The following TRMT9B variants were observed in gnomAD, a reference collection of about 807,000 sequenced individuals.
The protein encoded by TRMT9B is probable tRNA methyltransferase 9B.
A neutral mutation model predicts 11.5 loss-of-function variants in TRMT9B; 16 were observed. The ratio of observed to expected loss-of-function variants is 1.39; its 90% CI spans 0.94 to 2.11. TRMT9B has a LOEUF of 2.11. Among genes scored for constraint, TRMT9B ranks in the 30% most tolerant of loss-of-function variants. The pLI is 0.00. For synonymous variants in TRMT9B, 274 were observed against 192.4 expected (o/e 1.42, Z -3.51); for missense variants, 941 against 553.8 (o/e 1.70, Z -7.02).
rs1054396705 is a variant in TRMT9B, at chr8:12,995,036, G to T, written c.-2+4005G>T. 2.0e-5 allele frequency among the ~76,000 whole-genome samples: 3 copies of T among 152,312 alleles called. No homozygotes were observed. The South Asian group carries it at 6.2e-4, about 32-fold the overall frequency. On this transcript the variant is annotated intron_variant, in intron 2 of 4. Coordinates refer to ENST00000524591, the MANE Select transcript of TRMT9B (RefSeq NM_020844.3). The stretch of plus-strand genomic sequence containing the variant: ...CTTCCAGGCTGAGTTCCAAGGCGCA[G>T]CTCCCGACTTCTCATGCATTCGTTT...
Position 13,021,994 on chromosome 8 carries a change from G to A in TRMT9B, c.1315G>A (p.Asp439Asn), listed in dbSNP as rs1814040242. 4.3e-6 allele frequency: 7 copies of A among 1,612,320 alleles called. No homozygotes were observed. The highest frequency in any genetic ancestry group is 5.9e-6 in the Non-Finnish European group (7 of 1,179,344). Residue 439 changes from aspartate (D) to asparagine (N), a missense_variant, in exon 5 of 5, where the codon GAT (aspartate) becomes AAT (asparagine). By Grantham distance (23) the Asp-to-Asn change is conservative. Coordinates refer to ENST00000524591, the MANE Select transcript of TRMT9B (RefSeq NM_020844.3). ...GCTCCGTATCCTGAGTTCTGGGAAT[G>A]ATCATGGTAACTGGTGTATCATTGC... ...SELRILSSGNDHGNWCIIAEK... is the reference protein window; with the variant it reads ...SELRILSSGNNHGNWCIIAEK...
intron 1 of TRMT9B, among the ~76,000 whole-genome samples, chr8:12,972,900 T>G (rs1803853491): frequency 6.6e-6 from 1 of 152,188 alleles, no homozygotes; most frequent in African/African-American, 2.4e-5. Context: ...ACATTAACAG[T>G]CTTGTGCAAC....
intron 1 of TRMT9B, among the ~76,000 whole-genome samples, chr8:12,963,423 A>C (rs1326166485): frequency 1.3e-5 from 2 of 152,076 alleles, no homozygotes; most frequent in African/African-American, 4.8e-5. Context: ...ACAGAGTGAG[A>C]CTTTGTCACA....
rs201940758 is a variant in TRMT9B, at chr8:13,024,046, T to TTA, written c.*2003_*2004insAT. On this transcript the variant is annotated 3_prime_UTR_variant, in exon 5 of 5. Coordinates refer to ENST00000524591, the MANE Select transcript of TRMT9B (RefSeq NM_020844.3). ...TAATTTGGTTTCTTCTATTTCTTTT[T>TTA]TTTTTTTTTTTTTTTGAGACAGAGT... The TTA allele has an allele frequency of 1.4e-5, 2 of 144,952 alleles. No individual in the cohort carries two copies. The highest frequency in any genetic ancestry group is 5.4e-5 in the African/African-American group (2 of 36,942). The allele number at this position is 144,952 out of a possible 1,614,324, so 9.0% of individuals were successfully genotyped here.
intron 3 of TRMT9B, chr8:13,012,066 C>T: frequency 1.0e-6 from 1 of 985,404 alleles, no homozygotes; most frequent in Non-Finnish European, 1.2e-6. Context: ...GATACTAGAA[C>T]TATCTTTCTT....
chr8:13,006,622 G>A lies in TRMT9B; in HGVS notation c.154+266G>A, dbSNP rs1396367446. 1.7e-5 allele frequency: 23 copies of A among 1,377,116 alleles called. 1 individual carries two copies. In the South Asian group the frequency reaches 2.2e-4, roughly 13 times the overall value. 85.3% of individuals were successfully genotyped at this position (1,377,116 alleles called of 1,614,324 possible). A position where few individuals can be genotyped will look rare whatever the true frequency, so the allele number is the denominator to read the frequency against. On this transcript the variant is annotated intron_variant, in intron 3 of 4. Transcript: ENST00000524591. ...AATATTCATTTTACAGCAGAAACTCGAGACAGTCAAGTCAGCAGCAAGTAA... is the reference window on the plus strand; with the variant it reads ...AATATTCATTTTACAGCAGAAACTCAAGACAGTCAAGTCAGCAGCAAGTAA...
chr8:13,011,676 A>C (rs2460917), intron 3 of TRMT9B: 633,033 of 976,062 alleles, frequency 0.65, 207,502 homozygotes, highest in African/African-American at 0.86. Flanking sequence ...TGATCTAAAT[A>C]TTTGGGCTTT....
rs1814523387 is a variant in TRMT9B at position 13,025,042 on chromosome 8, T to G, written c.*2998T>G. 1 of 167,076 alleles carries G rather than the reference T, an allele frequency of 6.0e-6. No homozygotes were observed. The highest frequency in any genetic ancestry group is 1.5e-5 in the Non-Finnish European group (1 of 68,116). The allele number at this position is 167,076 out of a possible 1,614,324, so 10.3% of individuals were successfully genotyped here. On this transcript the variant is annotated 3_prime_UTR_variant, in exon 5 of 5. Coordinates refer to ENST00000524591, the MANE Select transcript of TRMT9B (RefSeq NM_020844.3). ...AGTTGATTTGTGAATGCTGTCGGCCTCAACTTGCTTGATGATAGATTCTAC... is the reference window on the plus strand; with the variant it reads ...AGTTGATTTGTGAATGCTGTCGGCCGCAACTTGCTTGATGATAGATTCTAC...
Position 13,008,768 on chromosome 8 carries a change from G to T in TRMT9B, c.154+2412G>T, listed in dbSNP as rs371884888. Among the ~76,000 whole-genome samples, 232 of 152,104 alleles carry T rather than the reference G, an allele frequency of 1.5e-3. 4 individuals carry two copies. The East Asian group carries it at 0.04, about 26-fold the overall frequency. On this transcript the variant is annotated intron_variant, in intron 3 of 4. Transcript: ENST00000524591. ...TTTTGAGACGGAGTCTTGCTCTGTT[G>T]CCCAGGCTGGAGTGCAGGGGCGCCA... is the stretch of plus-strand genomic sequence containing the variant.
At position 13,006,285 on chromosome 8, in the gene TRMT9B, A is replaced by G; in HGVS notation, c.83A>G (p.Gln28Arg). 1 of 1,614,008 alleles carries G rather than the reference A, an allele frequency of 6.2e-7. No individual in the cohort carries two copies. The highest frequency in any genetic ancestry group is 1.1e-5 in the South Asian group (1 of 91,068). Residue 28 changes from glutamine (Q) to arginine (R), a missense_variant, in exon 3 of 5, where the codon CAG becomes CGG. Physicochemically the swap from Gln to Arg is conservative, Grantham distance 43. Coordinates refer to ENST00000524591, the MANE Select transcript of TRMT9B (RefSeq NM_020844.3). ...ESTAPYFSDL[Q>R]SKAWPRVRQF... ...ACAGCCCCTTACTTCAGCGACCTGC[A>G]GAGCAAAGCCTGGCCTCGTGTCCGC...
At chr8:13,000,632 T>C (rs1311916316) in intron 2 of TRMT9B, among the ~76,000 whole-genome samples, 1 of 152,222 alleles carries the variant, frequency 6.6e-6, no homozygotes, top group African/African-American at 2.4e-5. Flanking sequence ...TTTCTTTTGA[T>C]TGCTAGCATT....
At chr8:12,970,110 T>G (rs983133358) in intron 1 of TRMT9B, 9 of 152,330 alleles carry the variant, frequency 5.9e-5, no homozygotes, top group African/African-American at 2.2e-4. Flanking sequence ...CTTTAGCCCC[T>G]CACCTGGTGA....
At chr8:12,979,311 A>G (rs1184694811) in intron 1 of TRMT9B, among the ~76,000 whole-genome samples, 1 of 152,104 alleles carries the variant, frequency 6.6e-6, no homozygotes, top group Non-Finnish European at 1.5e-5. Context: ...GGCAGCCTAT[A>G]GATTCTCAGT....
rs570454675 is a variant in TRMT9B at position 13,029,371 on chromosome 8, A to G, written c.*7327A>G. 1 of 167,178 alleles carries G rather than the reference A, an allele frequency of 6.0e-6. No homozygotes were observed. The highest frequency in any genetic ancestry group is 6.5e-5 in the Admixed American group (1 of 15,312). The allele number at this position is 167,178 out of a possible 1,614,324, so 10.4% of individuals were successfully genotyped here. On this transcript the variant is annotated 3_prime_UTR_variant, in exon 5 of 5. Transcript: ENST00000524591. ...TTAAAAGCACAAAGTGATGTAAAATATTTTGACTTTTATAATAATGCGAAG... is the reference window on the plus strand; with the variant it reads ...TTAAAAGCACAAAGTGATGTAAAATGTTTTGACTTTTATAATAATGCGAAG...
chr8:13,004,291 G>C (rs1810008767), intron 2 of TRMT9B, among the ~76,000 whole-genome samples: 1 of 151,858 alleles, frequency 6.6e-6, no homozygotes, highest in Admixed American at 6.6e-5. Context: ...AGAGCCCGTG[G>C]ACCAGGTGGG....
chr8:13,027,704 G>GA lies in TRMT9B; in HGVS notation c.*5665dup, dbSNP rs1814855119. On this transcript the variant is annotated 3_prime_UTR_variant, in exon 5 of 5. Coordinates refer to ENST00000524591, the MANE Select transcript of TRMT9B (RefSeq NM_020844.3). ...GCCATAATTGTAATCTTTCTCCAAA[G>GA]AAAAATGCACGATACAGGCTTCATT... 1 of 166,994 alleles carries GA rather than the reference G, an allele frequency of 6.0e-6. No homozygotes were observed. The highest frequency in any genetic ancestry group is 2.4e-5 in the African/African-American group (1 of 41,414). The allele number at this position is 166,994 out of a possible 1,614,324, so 10.3% of individuals were successfully genotyped here.
rs1388498693 is a variant in TRMT9B at position 13,020,999 on chromosome 8, C to A, written c.329-9C>A. ...CATACACACTGAGATCTAGTTTTGT[C>A]TTTTTCAGTCATACATCATTTTTCT... is the stretch of plus-strand genomic sequence containing the variant. On this transcript the variant is annotated splice_polypyrimidine_tract_variant and intron_variant, in intron 4 of 4. Coordinates refer to ENST00000524591, the MANE Select transcript of TRMT9B (RefSeq NM_020844.3). The A allele has an allele frequency of 4.6e-6, 7 of 1,516,844 alleles. No individual in the cohort carries two copies. In the South Asian group the frequency reaches 9.2e-5, roughly 20 times the overall value. The allele number at this position is 1,516,844 out of a possible 1,614,324, so 94.0% of individuals were successfully genotyped here.
intron 1 of TRMT9B, chr8:12,952,687 G>A (rs1290384876): frequency 1.0e-6 from 1 of 984,682 alleles, no homozygotes; most frequent in African/African-American, 1.7e-5. Flanking sequence ...GTTTAAGAAG[G>A]AATGCCAAAA....
intron 1 of TRMT9B, chr8:12,969,863 T>C (rs973357550): frequency 1.3e-5 from 2 of 150,768 alleles, no homozygotes; most frequent in Non-Finnish European, 3.0e-5. Flanking sequence ...TTTTTTTTTT[T>C]TTTTGTAGAC....
Sources: gnomAD v4.1 joint callset for allele counts (sites outside exome capture counted in the v4.1 genomes callset) on GRCh38, gnomAD v4.1.1 for gene constraint, MANE v1.5 for transcripts, NCBI Gene and HGNC (gene_info 2026-07-23, HGNC 2026-07-21) for gene names.